ZNF737: variants seen among roughly 807,000 people sequenced by gnomAD.
ZNF737 encodes the protein zinc finger protein 102 (Y3).
ZNF737 carries 13 observed loss-of-function variants against 11.7 expected under a neutral mutation model. The observed-to-expected ratio is 1.11, with a 90% CI of 0.73 to 1.77. ZNF737 has a LOEUF of 1.77. Among genes scored for constraint, ZNF737 ranks in the 40% most tolerant of loss-of-function variants. The probability of loss-of-function intolerance (pLI) is 0.00; values close to 1 mark genes in which losing one functional copy is unlikely to be tolerated. For missense variants in ZNF737, 636 were observed against 638.0 expected (o/e 1.00, Z 0.03); for synonymous variants, 217 against 216.2 (o/e 1.00, Z -0.03).
In ZNF737 at chr19:20,541,689, G is replaced by C. The variant is rs1968212458; in HGVS notation, c.*2903C>G. Among the ~76,000 whole-genome samples, 1 of 152,152 alleles carries C rather than the reference G, an allele frequency of 6.6e-6. No individual in the cohort carries two copies. Among genetic ancestry groups the C allele is most frequent in the African/African-American group, 2.4e-5 (1 of 41,446 alleles). ...ATTCCACCTGTCTCGGCCTCCCAAAGTGCTGGAATTACAGATGTGAGCCAC... is the reference window on the plus strand; with the variant it reads ...ATTCCACCTGTCTCGGCCTCCCAAACTGCTGGAATTACAGATGTGAGCCAC... On this transcript the variant is annotated 3_prime_UTR_variant, in exon 4 of 4. Coordinates refer to ENST00000427401, the MANE Select transcript of ZNF737 (RefSeq NM_001159293.2).
downstream of ZNF737, among the ~76,000 whole-genome samples, chr19:20,531,028 C>T (rs1306608261): frequency 6.8e-6 from 1 of 147,716 alleles, no homozygotes; most frequent in Non-Finnish European, 1.5e-5. Context: ...GAGCTGGAGA[C>T]TAGCCCGGCC....
intron 1 of ZNF737, among the ~76,000 whole-genome samples, 157 bp downstream of exon 1, chr19:20,565,481 T>C (rs1259262387): frequency 6.6e-6 from 1 of 151,984 alleles, no homozygotes; most frequent in Non-Finnish European, 1.5e-5. Flanking sequence ...GCCGCCAAAT[T>C]ATGGCTGAAC....
Position 20,543,026 on chromosome 19 carries a change from T to C in ZNF737, c.*1566A>G. On this transcript the variant is annotated 3_prime_UTR_variant, in exon 4 of 4. Coordinates refer to ENST00000427401, the MANE Select transcript of ZNF737 (RefSeq NM_001159293.2). The stretch of plus-strand genomic sequence containing the variant: ...CTGCAGTTGTGGATTAGTTTTTATA[T>C]TCAATGCTCTGATTTAGTGTAATGT... The C allele has an allele frequency of 1.0e-6, 1 of 985,320 alleles. No individual in the cohort carries two copies. The highest frequency in any genetic ancestry group is 4.7e-5 in the South Asian group (1 of 21,284). The allele number at this position is 985,320 out of a possible 1,614,324, so 61.0% of individuals were successfully genotyped here.
Position 20,544,701 on chromosome 19 carries a change from CTCTTA to C in ZNF737, c.1497_1501del (p.His499GlnfsTer12). 6.2e-7 allele frequency: 1 copy of C among 1,606,480 alleles called. No homozygotes were observed. The highest frequency in any genetic ancestry group is 1.1e-5 in the South Asian group (1 of 90,222). ...GTAGGGTTTCTCTCCAGTATGAATT[CTCTTA>C]TGTCTAGTAAGGATAAAGGAGCGCT... On this transcript the variant is annotated frameshift_variant, in exon 4 of 4. Coordinates refer to ENST00000427401, the MANE Select transcript of ZNF737 (RefSeq NM_001159293.2). LOFTEE classifies it low-confidence loss of function (END_TRUNC).
chr19:20,530,487 T>C, the ZNF737 span, among the ~76,000 whole-genome samples: 90,426 of 142,898 alleles, frequency 0.63, 31,031 homozygotes, highest in African/African-American at 0.83. Flanking sequence ...GGCAGCCGGG[T>C]GGAGGGGCTC....
At chr19:20,558,917 T>C (rs1555761793) in intron 1 of ZNF737, among the ~76,000 whole-genome samples, 4 of 152,162 alleles carry the variant, frequency 2.6e-5, no homozygotes, top group African/African-American at 9.7e-5. Context: ...TTGACAAAGC[T>C]GACAAGGGAA....
chr19:20,539,084 T>C lies in ZNF737; in HGVS notation c.*5508A>G, dbSNP rs1968093177. 1 of 772,612 alleles carries C rather than the reference T, an allele frequency of 1.3e-6. No homozygotes were observed. Among genetic ancestry groups the C allele is most frequent in the Non-Finnish European group, 1.6e-6 (1 of 636,348 alleles). The allele number at this position is 772,612 out of a possible 1,614,324, so 47.9% of individuals were successfully genotyped here. ...GCTGAGGTGGATGGATCACCTGAGG[T>C]CAGGAGTTCAAGACAAGCCTGGCTA... On this transcript the variant is annotated 3_prime_UTR_variant, in exon 4 of 4. Transcript: ENST00000427401.
Position 20,539,318 on chromosome 19 carries a change from A to T in ZNF737, c.*5274T>A. Reference sequence around the variant, plus strand: ...AAAAAAAAAAGAAATTCTTTCTTCAATTACTTGGAAACCCTGGGAAGCCCC... The same window carrying T: ...AAAAAAAAAAGAAATTCTTTCTTCATTTACTTGGAAACCCTGGGAAGCCCC... On this transcript the variant is annotated 3_prime_UTR_variant, in exon 4 of 4. Transcript: ENST00000427401. 1 of 984,880 alleles carries T rather than the reference A, an allele frequency of 1.0e-6. No homozygotes were observed. The highest frequency in any genetic ancestry group is 1.2e-6 in the Non-Finnish European group (1 of 829,542). The allele number at this position is 984,880 out of a possible 1,614,324, so 61.0% of individuals were successfully genotyped here. A position where few individuals can be genotyped will look rare whatever the true frequency, so the allele number is the denominator to read the frequency against.
At chr19:20,547,366 G>A (rs1232319116) in intron 3 of ZNF737, among the ~76,000 whole-genome samples, 2 of 138,022 alleles carry the variant, frequency 1.4e-5, no homozygotes, top group African/African-American at 5.7e-5. Context: ...GGGTGACACA[G>A]CGAGACTCCG....
chr19:20,530,387 G>T, the ZNF737 span, among the ~76,000 whole-genome samples: 2 of 148,258 alleles, frequency 1.3e-5, no homozygotes, highest in Non-Finnish European at 3.0e-5. Flanking sequence ...TCCCGGACGG[G>T]GCGACTGGCC....
In ZNF737 at chr19:20,539,288, TAAAA is replaced by T. The variant is rs200426795; in HGVS notation, c.*5300_*5303del. The T allele has an allele frequency of 7.0e-5, 55 of 781,010 alleles. No individual in the cohort carries two copies. The highest frequency in any genetic ancestry group is 8.1e-5 in the Non-Finnish European group (53 of 651,032). The allele number at this position is 781,010 out of a possible 1,614,324, so 48.4% of individuals were successfully genotyped here. A position where few individuals can be genotyped will look rare whatever the true frequency, so the allele number is the denominator to read the frequency against. On this transcript the variant is annotated 3_prime_UTR_variant, in exon 4 of 4. Coordinates refer to ENST00000427401, the MANE Select transcript of ZNF737 (RefSeq NM_001159293.2). ...GTGAGTGACAGAGTGAGAATCCTTC[TAAAA>T]AAAAAAAAAAGAAATTCTTTCTTCA...
Position 20,544,830 on chromosome 19 carries a change from C to T in ZNF737, c.1373G>A (p.Cys458Tyr). 1 of 1,613,384 alleles carries T rather than the reference C, an allele frequency of 6.2e-7. No individual in the cohort carries two copies. The highest frequency in any genetic ancestry group is 8.5e-7 in the Non-Finnish European group (1 of 1,179,872). The change falls in exon 4 of 4, where the codon TGT becomes TAT. Residue 458 changes from cysteine to tyrosine, a missense_variant. Cys to Tyr is a radical substitution (Grantham distance 194). Coordinates refer to ENST00000427401, the MANE Select transcript of ZNF737 (RefSeq NM_001159293.2). ...TGAGGACGAGTTGAAGGCTTTGCCA[C>T]ATTCTTCACATTTGTAGGGTTTCTC... Reference protein sequence around the residue: ...TGEKPYKCEECGKAFNSSSHL... With the variant: ...TGEKPYKCEEYGKAFNSSSHL...
At position 20,558,293 on chromosome 19, in the gene ZNF737, G is replaced by T. The variant is rs960678806; in HGVS notation, c.4-4458C>A. Reference sequence around the variant, plus strand: ...GAGACTCCGTCTCAAAAAAAAAAAAGAACCTATAATAACAATTCTTCTGTT... The same window carrying T: ...GAGACTCCGTCTCAAAAAAAAAAAATAACCTATAATAACAATTCTTCTGTT... On this transcript the variant is annotated intron_variant, in intron 1 of 3. Transcript: ENST00000427401. Among the ~76,000 whole-genome samples, 180 of 131,486 alleles carry T rather than the reference G, an allele frequency of 1.4e-3. 1 individual carries two copies. Among genetic ancestry groups the T allele is most frequent in the African/African-American group, 5.1e-3 (180 of 35,300 alleles). The allele number at this position is 131,486 out of a possible 152,430, so 86.3% of individuals were successfully genotyped here.
At chr19:20,565,509 G>A in intron 1 of ZNF737, 129 bp downstream of exon 1, 1 of 1,510,040 alleles carries the variant, frequency 6.6e-7, no homozygotes. Context: ...AGGCCGAGCT[G>A]GGCAAGGAGA....
chr19:20,553,829 A>G lies in ZNF737; in HGVS notation c.10T>C (p.Leu4=), dbSNP rs782672938. The change falls in exon 2 of 4, where the codon TTG becomes CTG. Residue 4 remains leucine (L), a synonymous_variant. Coordinates refer to ENST00000427401, the MANE Select transcript of ZNF737 (RefSeq NM_001159293.2). ...TCTATGGCCACGTCTCTAAATTGCAATGGCCCCTGAAACACACACACAACA... is the reference window on the plus strand; with the variant it reads ...TCTATGGCCACGTCTCTAAATTGCAGTGGCCCCTGAAACACACACACAACA... MGP[L]QFRDVAIEFS... 3 of 1,613,292 alleles carry G rather than the reference A, an allele frequency of 1.9e-6. No individual in the cohort carries two copies. The highest frequency in any genetic ancestry group is 1.7e-6 in the Non-Finnish European group (2 of 1,179,758).
In ZNF737 at chr19:20,543,419, T is replaced by G. The variant is rs1375207430; in HGVS notation, c.*1173A>C. 2 of 986,194 alleles carry G rather than the reference T, an allele frequency of 2.0e-6. No homozygotes were observed. Among genetic ancestry groups the G allele is most frequent in the African/African-American group, 3.5e-5 (2 of 57,286 alleles). 61.1% of individuals were successfully genotyped at this position (986,194 alleles called of 1,614,324 possible). ...AAATACTCTTCTTCACTTTAAAGGC[T>G]TATACTTGCTGAAAGTTTTGACAGT... is the stretch of plus-strand genomic sequence containing the variant. On this transcript the variant is annotated 3_prime_UTR_variant, in exon 4 of 4. Coordinates refer to ENST00000427401, the MANE Select transcript of ZNF737 (RefSeq NM_001159293.2).
Position 20,538,039 on chromosome 19 carries a change from T to C in ZNF737, c.*6553A>G, listed in dbSNP as rs1305334470. The stretch of plus-strand genomic sequence containing the variant: ...TCATATGGAAGAAGTGTATTAACCA[T>C]GTTTTCAGTAATCACTCTGAACACA... On this transcript the variant is annotated 3_prime_UTR_variant, in exon 4 of 4. Transcript: ENST00000427401. 9 of 983,018 alleles carry C rather than the reference T, an allele frequency of 9.2e-6. No individual in the cohort carries two copies. The highest frequency in any genetic ancestry group is 1.1e-5 in the Non-Finnish European group (9 of 827,750). The allele number at this position is 983,018 out of a possible 1,614,324, so 60.9% of individuals were successfully genotyped here.
chr19:20,541,864 T>C lies in ZNF737; in HGVS notation c.*2728A>G, dbSNP rs139366556. ...TAATACAAAAGATAAATGCTAGAGG[T>C]GATGGATACCTTATTTACCATAATG... On this transcript the variant is annotated 3_prime_UTR_variant, in exon 4 of 4. Transcript: ENST00000427401. 989 of 222,738 alleles carry C rather than the reference T, an allele frequency of 4.4e-3. 9 individuals are homozygous for C. Among genetic ancestry groups the C allele is most frequent in the African/African-American group, 0.022 (924 of 42,748 alleles). The allele number at this position is 222,738 out of a possible 1,614,324, so 13.8% of individuals were successfully genotyped here. A position where few individuals can be genotyped will look rare whatever the true frequency, so the allele number is the denominator to read the frequency against.
In ZNF737 at chr19:20,539,696, T is replaced by C. The variant is rs1482096111; in HGVS notation, c.*4896A>G. The C allele has an allele frequency of 3.1e-6, 3 of 963,782 alleles. No homozygotes were observed. Among genetic ancestry groups the C allele is most frequent in the Non-Finnish European group, 3.7e-6 (3 of 810,506 alleles). The allele number at this position is 963,782 out of a possible 1,614,324, so 59.7% of individuals were successfully genotyped here. Reference sequence around the variant, plus strand: ...GTTAATTATTTATAAATTCATTGTTTTTAAGGTTTTTCAAATATGAAAACA... The same window carrying C: ...GTTAATTATTTATAAATTCATTGTTCTTAAGGTTTTTCAAATATGAAAACA... On this transcript the variant is annotated 3_prime_UTR_variant, in exon 4 of 4. Transcript: ENST00000427401.
Sources: gnomAD v4.1 joint callset for allele counts (sites outside exome capture counted in the v4.1 genomes callset) on GRCh38, gnomAD v4.1.1 for gene constraint, MANE v1.5 for transcripts, NCBI Gene and HGNC (gene_info 2026-07-23, HGNC 2026-07-21) for gene names.